The following MEIKIN variants were observed in gnomAD, a reference collection of about 807,000 sequenced individuals.
MEIKIN encodes the protein meiotic kinetochore factor.
At chr5:131,855,409 GCAGA>G (rs898566735) in intron 9 of MEIKIN, among the ~76,000 whole-genome samples, 180 of 152,158 alleles carry the variant, frequency 1.2e-3, no homozygotes, top group African/African-American at 4.2e-3. Context: ...ATACAAAGAG[GCAGA>G]CAGACAGACA....
At chr5:131,901,215 T>C (rs1389291351) in intron 8 of MEIKIN, among the ~76,000 whole-genome samples, 1 of 152,080 alleles carries the variant, frequency 6.6e-6, no homozygotes, top group Non-Finnish European at 1.5e-5. Flanking sequence ...CAATGCTCTG[T>C]CCCTGTGCTG....
At chr5:131,903,590 C>A (rs1399926751) in intron 8 of MEIKIN, among the ~76,000 whole-genome samples, 1 of 151,470 alleles carries the variant, frequency 6.6e-6, no homozygotes, top group Non-Finnish European at 1.5e-5. Context: ...CCTTTTCAGA[C>A]AAATTTGTTA....
chr5:131,896,710 T>C (rs1751058401), intron 8 of MEIKIN, among the ~76,000 whole-genome samples: 1 of 152,174 alleles, frequency 6.6e-6, no homozygotes, highest in Admixed American at 6.5e-5. Context: ...CAACTACTGC[T>C]TTTTCTCGCT....
chr5:131,921,095 G>C (rs1751496354), intron 6 of MEIKIN, among the ~76,000 whole-genome samples: 1 of 152,148 alleles, frequency 6.6e-6, no homozygotes, highest in Admixed American at 6.5e-5. Context: ...GACTGAGGAA[G>C]TATTACAAAC....
intron 9 of MEIKIN, among the ~76,000 whole-genome samples, chr5:131,878,618 C>T (rs191469965): frequency 1.3e-5 from 2 of 151,838 alleles, no homozygotes; most frequent in Non-Finnish European, 1.5e-5. Flanking sequence ...GCCTGTAATT[C>T]CAGGACTTTG....
chr5:131,836,076 G>C (rs1468903247), intron 11 of MEIKIN, among the ~76,000 whole-genome samples: 1 of 152,034 alleles, frequency 6.6e-6, no homozygotes, highest in Non-Finnish European at 1.5e-5. Flanking sequence ...AAAGGCCCCT[G>C]TGTTGTTCCC....
At chr5:131,823,737 G>C (rs184229479) in intron 11 of MEIKIN, among the ~76,000 whole-genome samples, 73 of 152,166 alleles carry the variant, frequency 4.8e-4, no homozygotes, top group Admixed American at 2.8e-3. Context: ...GGATGATGCT[G>C]GTGCTTATAG....
intron 8 of MEIKIN, among the ~76,000 whole-genome samples, chr5:131,896,020 T>A (rs888631319): frequency 1.3e-5 from 2 of 152,220 alleles, no homozygotes; most frequent in African/African-American, 4.8e-5. Context: ...CTTGTGGGCA[T>A]TTAGTGCTAT....
At chr5:131,919,608 A>T (rs1193291613) in intron 6 of MEIKIN, among the ~76,000 whole-genome samples, 1 of 152,164 alleles carries the variant, frequency 6.6e-6, no homozygotes, top group Non-Finnish European at 1.5e-5. Context: ...ACATACTGTT[A>T]GGTGGAAAAA....
chr5:131,914,347 G>A (rs1217609897), intron 7 of MEIKIN, among the ~76,000 whole-genome samples: 3 of 144,146 alleles, frequency 2.1e-5, no homozygotes, highest in Admixed American at 1.4e-4. Flanking sequence ...TGGTGCCACC[G>A]CACTCCAGCC....
intron 11 of MEIKIN, among the ~76,000 whole-genome samples, chr5:131,823,406 T>C (rs1749555620): frequency 6.6e-6 from 1 of 152,024 alleles, no homozygotes; most frequent in South Asian, 2.1e-4. Flanking sequence ...CCTCTCTGTC[T>C]TTTCAAATAG....
chr5:131,932,605 C>T (rs1751708390), intron 5 of MEIKIN, among the ~76,000 whole-genome samples: 1 of 152,182 alleles, frequency 6.6e-6, no homozygotes, highest in South Asian at 2.1e-4. Flanking sequence ...GAATACTCCA[C>T]CCATTACGAG....
At position 131,860,468 on chromosome 5, in the gene MEIKIN, CAG is replaced by C. The variant is rs538943001; in HGVS notation, c.775-5636_775-5635del. ...TTTTTTGTTTGTTTGTTTTTTGAGACAGAGTCTTGCTCTGTTGCCCACACTGG... is the reference window on the plus strand; with the variant it reads ...TTTTTTGTTTGTTTGTTTTTTGAGACAGTCTTGCTCTGTTGCCCACACTGG... On this transcript the variant is annotated intron_variant, in intron 9 of 12. Transcript: ENST00000442687. Among the ~76,000 whole-genome samples, 823 of 151,808 alleles carry C rather than the reference CAG, an allele frequency of 5.4e-3. 8 individuals are homozygous for C. Among genetic ancestry groups the C allele is most frequent in the African/African-American group, 0.017 (710 of 41,368 alleles).
At position 131,851,290 on chromosome 5, in the gene MEIKIN, T is replaced by C; in HGVS notation, c.949A>G (p.Ser317Gly). 2.5e-6 allele frequency: 1 copy of C among 398,202 alleles called. No homozygotes were observed. The highest frequency in any genetic ancestry group is 4.4e-6 in the Non-Finnish European group (1 of 225,542). The allele number at this position is 398,202 out of a possible 1,614,324, so 24.7% of individuals were successfully genotyped here. The change falls in exon 11 of 13, where the codon AGT becomes GGT. Residue 317 changes from serine (S) to glycine (G), a missense_variant. By Grantham distance (56) the Ser-to-Gly change is moderately conservative. Transcript: ENST00000442687. ...TCATTTGAAGAATTTTCCTGCAAAC[T>C]TGACACAGGAACAATTTCATTTGAA... ...VNSNEIVPVS[S>G]LQENSSNEFP...
intron 9 of MEIKIN, among the ~76,000 whole-genome samples, chr5:131,868,761 T>C (rs1227894590): frequency 1.3e-5 from 2 of 152,018 alleles, no homozygotes; most frequent in Non-Finnish European, 2.9e-5. Context: ...CTCAAATTCA[T>C]GGGCTCAAGT....
chr5:131,844,036 G>T (rs1364179031), intron 11 of MEIKIN, among the ~76,000 whole-genome samples: 1 of 152,178 alleles, frequency 6.6e-6, no homozygotes, highest in Non-Finnish European at 1.5e-5. Context: ...ACGGCAGAAT[G>T]TGAGGTGGAA....
chr5:131,832,674 A>G (rs144045192), intron 11 of MEIKIN, among the ~76,000 whole-genome samples: 305 of 152,242 alleles, frequency 2.0e-3, no homozygotes, highest in Non-Finnish European at 3.2e-3. Context: ...GCATTTCCAT[A>G]TATCTTTTTA....
chr5:131,867,324 A>G (rs1385358136), intron 9 of MEIKIN, among the ~76,000 whole-genome samples: 1 of 152,220 alleles, frequency 6.6e-6, no homozygotes, highest in Non-Finnish European at 1.5e-5. Context: ...AACATCCTAT[A>G]CAATAGTGGT....
intron 8 of MEIKIN, among the ~76,000 whole-genome samples, chr5:131,900,742 C>T (rs538223232): frequency 6.6e-6 from 1 of 152,194 alleles, no homozygotes; most frequent in African/African-American, 2.4e-5. Flanking sequence ...GCAGCACTTG[C>T]TTGAATGTAG....
Sources: allele counts gnomAD v4.1 joint callset (sites outside exome capture counted in the v4.1 genomes callset), GRCh38; gene constraint gnomAD v4.1.1; transcripts MANE v1.5; gene names NCBI Gene and HGNC (gene_info 2026-07-23, HGNC 2026-07-21).